SLC13A4: variants seen among roughly 807,000 people sequenced by gnomAD.
SLC13A4 encodes the protein Na(+)/sulfate cotransporter SUT-1.
A neutral mutation model predicts 72.7 loss-of-function variants in SLC13A4; 28 were observed. The observed-to-expected ratio is 0.39, with a 90% confidence interval of 0.29 to 0.53. SLC13A4 has a LOEUF of 0.53. Ranked by LOEUF, SLC13A4 falls within the 20% of genes least tolerant of loss-of-function variation. The pLI, the probability that SLC13A4 is intolerant of heterozygous loss-of-function variation, is 0.78. For synonymous variants in SLC13A4, 312 were observed against 325.5 expected (o/e 0.96, Z 0.45); for missense variants, 653 against 788.0 (o/e 0.83, Z 2.05).
intron 1 of SLC13A4, among the ~76,000 whole-genome samples, chr7:135,724,343 A>G (rs1336091659): frequency 6.6e-6 from 1 of 151,994 alleles, no homozygotes; most frequent in African/African-American, 2.4e-5. Flanking sequence ...AAAAATACAA[A>G]AAATTCATCC....
At chr7:135,709,326 T>C (rs1421272126) in intron 2 of SLC13A4, among the ~76,000 whole-genome samples, 1 of 152,014 alleles carries the variant, frequency 6.6e-6, no homozygotes, top group East Asian at 1.9e-4. Flanking sequence ...CACTCTTTTT[T>C]TTTTTCCCTG....
At chr7:135,711,849 C>CTGAG (rs765678200) in intron 2 of SLC13A4, among the ~76,000 whole-genome samples, 1 of 151,880 alleles carries the variant, frequency 6.6e-6, no homozygotes, top group Non-Finnish European at 1.5e-5. Context: ...CCTCTGCCTC[C>CTGAG]TGAGTTTAAG....
In SLC13A4 at chr7:135,681,505, T is replaced by C; in HGVS notation, c.*58A>G. 1.9e-6 allele frequency: 3 copies of C among 1,577,110 alleles called. No individual in the cohort carries two copies. Among genetic ancestry groups the C allele is most frequent in the South Asian group, 2.4e-5 (2 of 84,476 alleles). On this transcript the variant is annotated 3_prime_UTR_variant, in exon 16 of 16. Transcript: ENST00000682651. ...TCCTAGTGGTTTTCTTTGCCTGTGG[T>C]CCAGATACTGCTGGATACTGGCAGC...
Position 135,685,655 on chromosome 7 carries a change from T to G in SLC13A4, c.1475A>C (p.Asn492Thr), listed in dbSNP as rs764519441. 6.8e-6 allele frequency: 11 copies of G among 1,614,050 alleles called. No individual in the cohort carries two copies. The East Asian group carries it at 2.4e-4, about 36-fold the overall frequency. The change falls in exon 14 of 16, where the codon AAC (asparagine) becomes ACC (threonine). Residue 492 changes from asparagine (N) to threonine (T), a missense_variant. Physicochemically the swap from Asn to Thr is moderately conservative, Grantham distance 65. Coordinates refer to ENST00000682651, the MANE Select transcript of SLC13A4 (RefSeq NM_001318192.2). ...KSSGLSTWIG[N>T]QMLSLSSLPP... ...GAGGCTGCTCAGGGACAACATCTGG[T>G]TCCCAATCCATGTAGAGAGGCCAGA...
At position 135,712,353 on chromosome 7, in the gene SLC13A4, G is replaced by C. The variant is rs533444517; in HGVS notation, c.229-4103C>G. 4.0e-5 allele frequency among the ~76,000 whole-genome samples: 6 copies of C among 151,338 alleles called. No individual in the cohort carries two copies. The South Asian group carries it at 6.3e-4, about 16-fold the overall frequency. On this transcript the variant is annotated intron_variant, in intron 2 of 15. Transcript: ENST00000682651. ...GCTCAGGATATAGTTTGTGATTACAGAGGTAACATCACTGAGTGGGGAAGA... is the reference window on the plus strand; with the variant it reads ...GCTCAGGATATAGTTTGTGATTACACAGGTAACATCACTGAGTGGGGAAGA...
intron 10 of SLC13A4, among the ~76,000 whole-genome samples, chr7:135,693,713 T>A (rs1795841935): frequency 1.3e-5 from 2 of 152,232 alleles, no homozygotes; most frequent in African/African-American, 4.8e-5. Flanking sequence ...AGTCTGTCTT[T>A]GATACTGCCT....
intron 2 of SLC13A4, among the ~76,000 whole-genome samples, chr7:135,718,087 A>ACGCG (rs1321726815): frequency 2.4e-5 from 2 of 83,406 alleles, no homozygotes; most frequent in East Asian, 4.2e-4. Context: ...ACACACACAC[A>ACGCG]CGCGCGCGCG....
At chr7:135,715,317 A>T (rs200563558) in intron 2 of SLC13A4, among the ~76,000 whole-genome samples, 1 of 107,918 alleles carries the variant, frequency 9.3e-6, no homozygotes. Flanking sequence ...AAGCATGTGT[A>T]TGTGTGTGAG....
At chr7:135,725,134 A>T (rs865808959) in intron 1 of SLC13A4, among the ~76,000 whole-genome samples, 1 of 152,214 alleles carries the variant, frequency 6.6e-6, no homozygotes, top group African/African-American at 2.4e-5. Flanking sequence ...TTCAAGGGAC[A>T]TGCTATCTAC....
chr7:135,692,343 G>A lies in SLC13A4; in HGVS notation c.1203C>T (p.Gly401=). 1 of 1,613,390 alleles carries A rather than the reference G, an allele frequency of 6.2e-7. No individual in the cohort carries two copies. The highest frequency in any genetic ancestry group is 8.5e-7 in the Non-Finnish European group (1 of 1,179,426). The part of the protein sequence containing the change: ...WFTREPGFVP[G]WDSFFEKKGY... ...CTTACTTTTCAAAGAAAGAATCCCA[G>A]CCAGGGACAAAGCCAGGCTCCCGGG... The change falls in exon 11 of 16, where the codon GGC becomes GGT. Residue 401 remains glycine, a synonymous_variant. Coordinates refer to ENST00000682651, the MANE Select transcript of SLC13A4 (RefSeq NM_001318192.2).
In SLC13A4 at chr7:135,685,579, A is replaced by G. The variant is rs1426821599; in HGVS notation, c.1551T>C (p.Thr517=). The stretch of plus-strand genomic sequence containing the variant: ...TGGTTGCTGGGTTGCTCACAAACTC[A>G]GTGACAATGGACACGAGGATGCATG... ...LLACILVSIV[T]EFVSNPATIT... is the part of the protein sequence containing the mutation. Residue 517 remains threonine, a synonymous_variant, in exon 14 of 16, where the codon ACT becomes ACC. Coordinates refer to ENST00000682651, the MANE Select transcript of SLC13A4 (RefSeq NM_001318192.2). The G allele has an allele frequency of 3.1e-6, 5 of 1,614,236 alleles. No homozygotes were observed. Among genetic ancestry groups the G allele is most frequent in the Non-Finnish European group, 4.2e-6 (5 of 1,180,022 alleles).
chr7:135,716,957 G>A (rs913920099), intron 2 of SLC13A4, among the ~76,000 whole-genome samples: 7 of 152,034 alleles, frequency 4.6e-5, no homozygotes, highest in African/African-American at 1.2e-4. Context: ...GGTCTTTTTC[G>A]CATGAACTGC....
At chr7:135,706,867 C>T (rs373392245) in intron 3 of SLC13A4, among the ~76,000 whole-genome samples, 1 of 152,188 alleles carries the variant, frequency 6.6e-6, no homozygotes, top group East Asian at 1.9e-4. Flanking sequence ...GTGCACTTTT[C>T]CAGCTGACAT....
chr7:135,696,509 T>C (rs1795908516), intron 8 of SLC13A4, among the ~76,000 whole-genome samples: 1 of 152,096 alleles, frequency 6.6e-6, no homozygotes, highest in Non-Finnish European at 1.5e-5. Context: ...CACACTACCA[T>C]GCCCAGCTAA....
At chr7:135,722,875 G>A (rs1297577088) in intron 1 of SLC13A4, among the ~76,000 whole-genome samples, 1 of 152,062 alleles carries the variant, frequency 6.6e-6, no homozygotes, top group African/African-American at 2.4e-5. Context: ...GGAAGGCAGC[G>A]ATCCTGAGCA....
chr7:135,715,667 C>T (rs549551414), intron 2 of SLC13A4, among the ~76,000 whole-genome samples: 6 of 152,186 alleles, frequency 3.9e-5, no homozygotes, highest in Admixed American at 6.5e-5. Flanking sequence ...TCTACTTCAC[C>T]GGAGAGCCCT....
At chr7:135,686,656 G>C (rs1166518266) in intron 13 of SLC13A4, among the ~76,000 whole-genome samples, 1 of 152,210 alleles carries the variant, frequency 6.6e-6, no homozygotes, top group Non-Finnish European at 1.5e-5. Context: ...ATAGGTGTGA[G>C]CCACCGCACC....
intron 2 of SLC13A4, among the ~76,000 whole-genome samples, chr7:135,708,882 C>T (rs1224972216): frequency 2.1e-5 from 3 of 145,156 alleles, no homozygotes; most frequent in African/African-American, 7.6e-5. Flanking sequence ...ATCATATCCT[C>T]ATTATTGTTT....
intron 1 of SLC13A4, among the ~76,000 whole-genome samples, chr7:135,724,337 A>G (rs1311717768): frequency 2.0e-5 from 3 of 151,988 alleles, no homozygotes; most frequent in South Asian, 2.1e-4. Flanking sequence ...TCTATTAAAA[A>G]TACAAAAAAT....
Sources: allele counts gnomAD v4.1 joint callset (sites outside exome capture counted in the v4.1 genomes callset), GRCh38; gene constraint gnomAD v4.1.1; transcripts MANE v1.5; gene names NCBI Gene and HGNC (gene_info 2026-07-23, HGNC 2026-07-21).